ARHGAP17: variants seen among roughly 807,000 people sequenced by gnomAD.
The protein encoded by ARHGAP17 is Rho GTPase activating protein 17, also known as rho GTPase-activating protein 17.
ARHGAP17 carries 57 observed loss-of-function variants against 99.5 expected under a neutral mutation model. That is an observed-to-expected ratio of 0.57 (90% confidence interval 0.46 to 0.71). The LOEUF is 0.71. Ranked by LOEUF, ARHGAP17 falls within the 30% of genes least tolerant of loss-of-function variation. The pLI is 0.00. For synonymous variants in ARHGAP17, 417 were observed against 429.6 expected, an observed-to-expected ratio of 0.97 and a Z score of 0.36; for missense variants, 1,000 against 1,122.4, an observed-to-expected ratio of 0.89 and a Z score of 1.56.
intron 9 of ARHGAP17, among the ~76,000 whole-genome samples, chr16:24,957,711 G>A (rs575608023): frequency 1.8e-4 from 27 of 152,280 alleles, no homozygotes; most frequent in African/African-American, 6.0e-4. Context: ...AGAGTGCAAA[G>A]GATTCAGGAG....
chr16:24,953,659 T>A (rs2051714470), intron 10 of ARHGAP17, among the ~76,000 whole-genome samples: 1 of 152,212 alleles, frequency 6.6e-6, no homozygotes, highest in Non-Finnish European at 1.5e-5. Context: ...TGTGGAACTG[T>A]GAGTCAGGTA....
At chr16:24,990,892 A>T (rs2053021350) in intron 1 of ARHGAP17, among the ~76,000 whole-genome samples, 1 of 151,928 alleles carries the variant, frequency 6.6e-6, no homozygotes, top group Non-Finnish European at 1.5e-5. Context: ...AGCAGGACAG[A>T]CTAGAAGGGT....
At chr16:24,946,244 C>A (rs2051468912) in intron 14 of ARHGAP17, among the ~76,000 whole-genome samples, 1 of 152,062 alleles carries the variant, frequency 6.6e-6, no homozygotes. Flanking sequence ...GTCCCAGACA[C>A]CTCAGTACAA....
In ARHGAP17 at chr16:24,968,667, T is replaced by C. The variant is rs1384062199; in HGVS notation, c.378A>G (p.Ile126Met). 2 of 1,614,210 alleles carry C rather than the reference T, an allele frequency of 1.2e-6. No homozygotes were observed. Among genetic ancestry groups the C allele is most frequent in the South Asian group, 1.1e-5 (1 of 91,084 alleles). The change falls in exon 5 of 20, where the codon ATA (isoleucine) becomes ATG (methionine). Residue 126 changes from isoleucine to methionine, a missense_variant. By Grantham distance (10) the Ile-to-Met change is conservative. Coordinates refer to ENST00000289968, the MANE Select transcript of ARHGAP17 (RefSeq NM_001006634.3). ...TGCACGGTGAAGCACCCACCTCAGC[T>C]ATGCCGTACAGAGGGTCCACGATCT... ...EKEIVDPLYG[I>M]AEVEIPNIQK...
At chr16:24,987,356 A>G (rs1010262488) in intron 1 of ARHGAP17, among the ~76,000 whole-genome samples, 2 of 152,224 alleles carry the variant, frequency 1.3e-5, no homozygotes, top group African/African-American at 4.8e-5. Flanking sequence ...AGCCGCATTT[A>G]GCCCACAGAC....
At chr16:24,952,414 G>T in intron 11 of ARHGAP17, 44 bp from the exon 12 acceptor site, 1 of 1,476,380 alleles carries the variant, frequency 6.8e-7, no homozygotes, top group Non-Finnish European at 9.4e-7. Context: ...AAGGGGTAAG[G>T]CTAGGAATCT....
chr16:25,000,749 A>G (rs921397830), intron 1 of ARHGAP17, among the ~76,000 whole-genome samples: 2 of 152,090 alleles, frequency 1.3e-5, no homozygotes, highest in Non-Finnish European at 2.9e-5. Flanking sequence ...TCCTCTTACC[A>G]TTTCTCAACT....
intron 1 of ARHGAP17, among the ~76,000 whole-genome samples, chr16:24,987,425 A>C (rs1337691244): frequency 3.9e-5 from 6 of 152,206 alleles, no homozygotes; most frequent in Non-Finnish European, 4.4e-5. Flanking sequence ...ATGAAACTTC[A>C]ATCCTTTTTA....
At chr16:24,967,470 C>A (rs959832296) in intron 6 of ARHGAP17, among the ~76,000 whole-genome samples, 1 of 152,180 alleles carries the variant, frequency 6.6e-6, no homozygotes, top group Non-Finnish European at 1.5e-5. Context: ...TTTCCCTATT[C>A]CCAACTGTCA....
chr16:24,960,280 C>T (rs1442293553), intron 7 of ARHGAP17, among the ~76,000 whole-genome samples: 2 of 152,222 alleles, frequency 1.3e-5, no homozygotes, highest in African/African-American at 4.8e-5. Flanking sequence ...CACGATGGCT[C>T]ATGCCTGTAA....
chr16:24,931,125 A>G lies in ARHGAP17; in HGVS notation c.2174T>C (p.Leu725Pro). ...PPQPPTQATPLMHTKPNSQGP... is the reference protein window; with the variant it reads ...PPQPPTQATPPMHTKPNSQGP... ...CTGGCTATTGGGTTTGGTGTGCATC[A>G]GTGGCGTGGCCTGCGTAGGGGGCTG... The change falls in exon 19 of 20, where the codon CTG becomes CCG. Residue 725 changes from leucine (L) to proline (P), a missense_variant. Physicochemically the swap from Leu to Pro is moderately conservative, Grantham distance 98 (BLOSUM62 -3). This residue lies in a region of ARHGAP17 where 528 missense variants were observed against 511.4 expected (regional missense o/e 1.03). Transcript: ENST00000289968. The G allele has an allele frequency of 6.2e-7, 1 of 1,606,566 alleles. No homozygotes were observed. The highest frequency in any genetic ancestry group is 8.5e-7 in the Non-Finnish European group (1 of 1,176,776).
At chr16:24,972,216 G>C (rs1392395433) in intron 3 of ARHGAP17, among the ~76,000 whole-genome samples, 1 of 152,212 alleles carries the variant, frequency 6.6e-6, no homozygotes, top group Non-Finnish European at 1.5e-5. Context: ...AGGGGCTCTG[G>C]AGGAGGGAAC....
At chr16:25,012,909 G>A (rs538417779) in intron 1 of ARHGAP17, among the ~76,000 whole-genome samples, 92 of 151,968 alleles carry the variant, frequency 6.1e-4, no homozygotes, top group South Asian at 1.7e-3. Flanking sequence ...TCCCATACTC[G>A]GGCCCACACC....
chr16:24,970,513 A>T lies in ARHGAP17; in HGVS notation c.266T>A (p.Leu89His), dbSNP rs1200495083. 4 of 1,613,940 alleles carry T rather than the reference A, an allele frequency of 2.5e-6. No individual in the cohort carries two copies. Among genetic ancestry groups the T allele is most frequent in the Non-Finnish European group, 3.4e-6 (4 of 1,179,916 alleles). Residue 89 changes from leucine (L) to histidine (H), a missense_variant, in exon 4 of 20, where the codon CTC (leucine) becomes CAC (histidine). Physicochemically the swap from Leu to His is moderately conservative, Grantham distance 99. Coordinates refer to ENST00000289968, the MANE Select transcript of ARHGAP17 (RefSeq NM_001006634.3). Reference sequence around the variant, plus strand: ...TGAAGGCAGCAACTCTTACCCCAGGAGAGAGTCTTCCAGCTGAGTCGATGC... The same window carrying T: ...TGAAGGCAGCAACTCTTACCCCAGGTGAGAGTCTTCCAGCTGAGTCGATGC... ...QEASTQLEDS[L>H]LGKMLETCGD...
At chr16:24,958,505 T>A (rs1308948070) in intron 9 of ARHGAP17, among the ~76,000 whole-genome samples, 1 of 152,200 alleles carries the variant, frequency 6.6e-6, no homozygotes, top group Non-Finnish European at 1.5e-5. Context: ...CTCAACACCA[T>A]CCTCCATGAA....
intron 1 of ARHGAP17, among the ~76,000 whole-genome samples, chr16:24,997,093 A>G (rs2053214918): frequency 6.6e-6 from 1 of 152,256 alleles, no homozygotes. Flanking sequence ...CAAGGTGCCC[A>G]GTACACATCC....
At chr16:24,943,038 C>G (rs9926865) in intron 15 of ARHGAP17, among the ~76,000 whole-genome samples, 4,773 of 152,168 alleles carry the variant, frequency 0.031, 258 homozygotes, top group African/African-American at 0.11. Flanking sequence ...TTGCACCCCA[C>G]GGGACATGGC....
intron 1 of ARHGAP17, among the ~76,000 whole-genome samples, chr16:24,984,393 G>A (rs913759249): frequency 3.3e-5 from 5 of 152,124 alleles, no homozygotes; most frequent in African/African-American, 4.8e-5. Flanking sequence ...GAGGCCGGGC[G>A]CAGTGGCTCA....
rs2050675887 is a variant in ARHGAP17, at chr16:24,919,916, G to A, written c.*214C>T. 1.5e-5 allele frequency: 8 copies of A among 549,892 alleles called. No homozygotes were observed. The highest frequency in any genetic ancestry group is 5.5e-4 in the Middle Eastern group (1 of 1,808). The allele number at this position is 549,892 out of a possible 1,614,324, so 34.1% of individuals were successfully genotyped here. On this transcript the variant is annotated 3_prime_UTR_variant, in exon 20 of 20. Transcript: ENST00000289968. ...TGGCATGATTTCCTTCCCATGTAAAGAAAGCCAACTTCTTCAAGACACAGG... is the reference window on the plus strand; with the variant it reads ...TGGCATGATTTCCTTCCCATGTAAAAAAAGCCAACTTCTTCAAGACACAGG...
Sources: gnomAD v4.1 joint callset for allele counts (sites outside exome capture counted in the v4.1 genomes callset) on GRCh38, gnomAD v4.1.1 for gene constraint, gnomAD v4.1.1 regional missense constraint, MANE v1.5 for transcripts, NCBI Gene and HGNC (gene_info 2026-07-23, HGNC 2026-07-21) for gene names.